The following SCAI variants were observed in gnomAD, a reference collection of about 807,000 sequenced individuals.
SCAI encodes suppressor of cancer cell invasion, also known as protein SCAI.
In SCAI, 24 loss-of-function variants were observed where a neutral mutation model predicts 92.2. The observed-to-expected ratio is 0.26, with a 90% CI of 0.19 to 0.37. The LOEUF (loss-of-function observed/expected upper bound fraction) is 0.37, where lower values mean the gene tolerates loss of function less well. SCAI is among the 10% of genes least tolerant of loss of function. The pLI is 1.00. For synonymous variants in SCAI, 261 were observed against 258.6 expected (o/e 1.01, Z -0.09); for missense variants, 450 against 736.2 (o/e 0.61, Z 4.50).
chr9:125,009,044 T>C (rs1253036289), intron 9 of SCAI, among the ~76,000 whole-genome samples: 1 of 151,902 alleles, frequency 6.6e-6, no homozygotes, highest in East Asian at 1.9e-4. Flanking sequence ...GATAATGAAA[T>C]TAAATCTTCA....
At chr9:125,108,034 G>A (rs900931706) in intron 2 of SCAI, among the ~76,000 whole-genome samples, 9 of 152,354 alleles carry the variant, frequency 5.9e-5, no homozygotes, top group Non-Finnish European at 8.8e-5. Context: ...GGGTTTCGCT[G>A]TGTTGGCCGG....
At chr9:125,030,186 T>C (rs980631777) in intron 3 of SCAI, among the ~76,000 whole-genome samples, 1 of 152,222 alleles carries the variant, frequency 6.6e-6, no homozygotes, top group Admixed American at 6.5e-5. Flanking sequence ...AAGATAAATA[T>C]ACATCCCTGT....
At chr9:125,083,731 C>A (rs1040035574) in intron 2 of SCAI, among the ~76,000 whole-genome samples, 1 of 152,044 alleles carries the variant, frequency 6.6e-6, no homozygotes, top group Admixed American at 6.6e-5. Context: ...CTTCTATGTG[C>A]CAGGTATTTT....
At chr9:125,019,343 A>G in intron 7 of SCAI, 138 bp from the exon 8 acceptor site, 1 of 551,226 alleles carries the variant, frequency 1.8e-6, no homozygotes, top group South Asian at 2.9e-5. Context: ...ATTATAACAA[A>G]AAACAAAGAT....
chr9:125,142,878 C>G (rs1835701788), intron 1 of SCAI, among the ~76,000 whole-genome samples: 1 of 152,102 alleles, frequency 6.6e-6, no homozygotes, highest in African/African-American at 2.4e-5. Context: ...ACCGTTCCCC[C>G]AATTCCCCCT....
chr9:125,004,754 TATATATATATATATA>T (rs1832446725), intron 9 of SCAI, among the ~76,000 whole-genome samples: 9 of 10,966 alleles, frequency 8.2e-4, no homozygotes, highest in East Asian at 2.2e-3. Flanking sequence ...TATATATATA[TATATATATATATATA>T]TATATATATA....
chr9:124,989,253 AAAG>A (rs1353473921), intron 14 of SCAI, among the ~76,000 whole-genome samples: 1 of 152,222 alleles, frequency 6.6e-6, no homozygotes, highest in African/African-American at 2.4e-5. Flanking sequence ...GTTGCATAAA[AAAG>A]AAAACAGAAT....
chr9:125,013,497 G>A (rs974808435), intron 9 of SCAI, among the ~76,000 whole-genome samples: 1 of 152,180 alleles, frequency 6.6e-6, no homozygotes, highest in African/African-American at 2.4e-5. Context: ...TTGAATCTCT[G>A]AATAGACCAG....
chr9:125,024,633 G>A (rs529103117), intron 6 of SCAI, among the ~76,000 whole-genome samples: 18 of 152,118 alleles, frequency 1.2e-4, no homozygotes, highest in African/African-American at 4.3e-4. Context: ...TGTCCAACCT[G>A]CTAGGCTCCC....
intron 3 of SCAI, among the ~76,000 whole-genome samples, chr9:125,051,004 T>C (rs923353053): frequency 6.6e-6 from 1 of 152,160 alleles, no homozygotes; most frequent in Non-Finnish European, 1.5e-5. Flanking sequence ...TATTTTTGTA[T>C]AAATAATTAT....
chr9:125,038,290 A>G (rs1588169266), intron 3 of SCAI, among the ~76,000 whole-genome samples: 2 of 152,336 alleles, frequency 1.3e-5, no homozygotes, highest in South Asian at 2.1e-4. Flanking sequence ...CTTTTAAAGC[A>G]TCATTGAGAA....
rs2131562998 is a variant in SCAI at position 124,948,875 on chromosome 9, G to T, written c.*3932C>A. 6.6e-6 allele frequency: 1 copy of T among 152,184 alleles called. No homozygotes were observed. The highest frequency in any genetic ancestry group is 6.5e-5 in the Admixed American group (1 of 15,286). The allele number at this position is 152,184 out of a possible 1,614,324, so 9.4% of individuals were successfully genotyped here. A position where few individuals can be genotyped will look rare whatever the true frequency, so the allele number is the denominator to read the frequency against. ...TTAGTTCCAATATTTAAATTTTTAT[G>T]AATTATAAAATTAAATACATTAGGG... On this transcript the variant is annotated 3_prime_UTR_variant, in exon 18 of 18. Transcript: ENST00000336505.
chr9:125,133,033 C>A (rs1835435518), intron 2 of SCAI, among the ~76,000 whole-genome samples: 1 of 152,050 alleles, frequency 6.6e-6, no homozygotes, highest in African/African-American at 2.4e-5. Flanking sequence ...TCTCAAGATA[C>A]TGTGGAGAAA....
chr9:125,066,464 A>ATTTTT (rs754196569), intron 2 of SCAI, among the ~76,000 whole-genome samples: 3 of 138,228 alleles, frequency 2.2e-5, no homozygotes, highest in Admixed American at 1.4e-4. Flanking sequence ...TTATTTATTT[A>ATTTTT]TTTTTTTTTG....
intron 2 of SCAI, among the ~76,000 whole-genome samples, chr9:125,139,224 G>A (rs1046240865): frequency 6.6e-6 from 1 of 152,182 alleles, no homozygotes; most frequent in Non-Finnish European, 1.5e-5. Context: ...ACCAGCCTGA[G>A]CAACATGGTA....
At chr9:125,123,660 A>G (rs565756759) in intron 2 of SCAI, among the ~76,000 whole-genome samples, 1 of 152,278 alleles carries the variant, frequency 6.6e-6, no homozygotes, top group East Asian at 1.9e-4. Flanking sequence ...CTGGAATCTC[A>G]GCTACTTGGG....
At chr9:125,111,559 ATTT>A (rs60793424) in intron 2 of SCAI, among the ~76,000 whole-genome samples, 1 of 147,230 alleles carries the variant, frequency 6.8e-6, no homozygotes, top group African/African-American at 2.5e-5. Flanking sequence ...TTTTGTGAAA[ATTT>A]TTTTTTTTTT....
chr9:125,035,785 C>T (rs1833182079), intron 3 of SCAI, among the ~76,000 whole-genome samples: 1 of 152,094 alleles, frequency 6.6e-6, no homozygotes, highest in Non-Finnish European at 1.5e-5. Context: ...GGGCCAGGCA[C>T]AGTGACTCAA....
intron 17 of SCAI, among the ~76,000 whole-genome samples, chr9:124,970,678 G>A (rs948586574): frequency 2.6e-5 from 4 of 151,978 alleles, no homozygotes; most frequent in Non-Finnish European, 2.9e-5. Flanking sequence ...AGCTGAGATC[G>A]AGTCATTGCA....
Sources: allele counts gnomAD v4.1 joint callset (sites outside exome capture counted in the v4.1 genomes callset), GRCh38; gene constraint gnomAD v4.1.1; transcripts MANE v1.5; gene names NCBI Gene and HGNC (gene_info 2026-07-23, HGNC 2026-07-21).